Variants in MALRD1 observed in about 807,000 individuals in gnomAD.
The protein encoded by MALRD1 is MAM and LDL-receptor class A domain-containing protein 1.
Under a neutral mutation model 242.1 loss-of-function variants are expected in MALRD1, and 247 were observed. The ratio of observed to expected loss-of-function variants is 1.02; its 90% CI spans 0.92 to 1.13. The LOEUF (loss-of-function observed/expected upper bound fraction) is 1.13. Ranked by LOEUF, MALRD1 falls within the 50% of genes most tolerant of loss-of-function variation. The pLI, the probability that MALRD1 is intolerant of heterozygous loss-of-function variation, is 0.00. For synonymous variants in MALRD1, 995 were observed against 866.6 expected (o/e 1.15, Z -2.60); for missense variants, 2,989 against 2,533.1 (o/e 1.18, Z -3.86).
At position 19,492,926 on chromosome 10, in the gene MALRD1, C is replaced by T. The variant is rs1029082618; in HGVS notation, c.5158+1281C>T. Among the ~76,000 whole-genome samples, 3 of 152,106 alleles carry T rather than the reference C, an allele frequency of 2.0e-5. No individual in the cohort carries two copies. In the East Asian group the frequency reaches 5.8e-4, roughly 29 times the overall value. On this transcript the variant is annotated intron_variant, in intron 30 of 39. Transcript: ENST00000454679. ...ATTTTTTATTTCTTAGGATCTTATA[C>T]TGATGCTTCCAATGGGCTCATTTTC...
chr10:19,284,383 C>T (rs1410236078), intron 21 of MALRD1, among the ~76,000 whole-genome samples: 3 of 146,702 alleles, frequency 2.0e-5, no homozygotes, highest in Non-Finnish European at 4.5e-5. Flanking sequence ...GTATATCTCC[C>T]AATGCTATCC....
chr10:19,407,935 TGGGTG>T (rs1833108488), intron 28 of MALRD1, among the ~76,000 whole-genome samples: 1 of 152,100 alleles, frequency 6.6e-6, no homozygotes, highest in Admixed American at 6.5e-5. Flanking sequence ...ACCCTGAAAA[TGGGTG>T]TTTCCATAAC....
At chr10:19,629,572 T>A (rs1156944883) in intron 36 of MALRD1, among the ~76,000 whole-genome samples, 2 of 152,188 alleles carry the variant, frequency 1.3e-5, no homozygotes, top group Non-Finnish European at 2.9e-5. Flanking sequence ...TTTCCTAGTA[T>A]GTGCACGGCC....
chr10:19,616,002 G>A lies in MALRD1; in HGVS notation c.6137+79G>A, dbSNP rs1227382317. Reference sequence around the variant, plus strand: ...TATTTTTCTATAGGCTGATATAATAGAGCATCAATCAGTTTGTGGTTAGTA... The same window carrying A: ...TATTTTTCTATAGGCTGATATAATAAAGCATCAATCAGTTTGTGGTTAGTA... On this transcript the variant is annotated intron_variant, in intron 36 of 39. Coordinates refer to ENST00000454679, the MANE Select transcript of MALRD1 (RefSeq NM_001142308.3). The A allele has an allele frequency of 3.0e-6, 3 of 993,636 alleles. No homozygotes were observed. In the African/African-American group the frequency reaches 4.9e-5, roughly 16 times the overall value. 61.6% of individuals were successfully genotyped at this position (993,636 alleles called of 1,614,324 possible).
At position 19,099,763 on chromosome 10, in the gene MALRD1, A is replaced by ATATTTT. The variant is rs1554788439; in HGVS notation, c.598-4215_598-4214insATTTTT. Among the ~76,000 whole-genome samples, 835 of 149,324 alleles carry ATATTTT rather than the reference A, an allele frequency of 5.6e-3. 8 individuals are homozygous for ATATTTT. The highest frequency in any genetic ancestry group is 0.028 in the East Asian group (144 of 5,078). On this transcript the variant is annotated intron_variant, in intron 4 of 39. Transcript: ENST00000454679. ...CTCCATAGAACCTATATATATATAT[A>ATATTTT]TTTTTTTTAATTTTTTTTGCCAGAT... is the stretch of plus-strand genomic sequence containing the variant.
intron 33 of MALRD1, among the ~76,000 whole-genome samples, chr10:19,581,748 C>T (rs1217258519): frequency 1.3e-5 from 2 of 150,284 alleles, no homozygotes; most frequent in African/African-American, 2.5e-5. Context: ...AATGGGATGG[C>T]TGGGTCAAAT....
chr10:19,672,529 T>G (rs975528544), intron 36 of MALRD1, among the ~76,000 whole-genome samples: 3 of 150,628 alleles, frequency 2.0e-5, no homozygotes, highest in Non-Finnish European at 3.0e-5. Flanking sequence ...GTTCAAGCAA[T>G]TCTCCTGCCT....
chr10:19,064,322 A>G (rs1016220068), intron 1 of MALRD1, among the ~76,000 whole-genome samples: 1 of 152,206 alleles, frequency 6.6e-6, no homozygotes, highest in Non-Finnish European at 1.5e-5. Flanking sequence ...ATTTTATTAC[A>G]GCGGATAGTT....
chr10:19,537,320 C>A (rs958932514), intron 32 of MALRD1, among the ~76,000 whole-genome samples: 70 of 152,102 alleles, frequency 4.6e-4, no homozygotes, highest in Non-Finnish European at 2.8e-4. Flanking sequence ...TATCTTAGTT[C>A]TTTCAGGTTG....
At chr10:19,405,730 G>C (rs889647638) in intron 28 of MALRD1, among the ~76,000 whole-genome samples, 1 of 152,098 alleles carries the variant, frequency 6.6e-6, no homozygotes, top group African/African-American at 2.4e-5. Flanking sequence ...ACATATCCTA[G>C]TTCCTAGACT....
chr10:19,489,364 C>T, intron 29 of MALRD1: 2 of 544,918 alleles, frequency 3.7e-6, no homozygotes, highest in Non-Finnish European at 7.3e-6. Flanking sequence ...AGAGTCCAGC[C>T]TCTGATGAAG....
At chr10:19,384,994 T>A (rs976280675) in intron 26 of MALRD1, among the ~76,000 whole-genome samples, 1 of 151,868 alleles carries the variant, frequency 6.6e-6, no homozygotes, top group Admixed American at 6.6e-5. Flanking sequence ...TTTTGTCAAA[T>A]GCTTTTTCTG....
intron 19 of MALRD1, among the ~76,000 whole-genome samples, chr10:19,264,513 G>A (rs1214393160): frequency 6.7e-6 from 1 of 150,340 alleles, no homozygotes; most frequent in African/African-American, 2.5e-5. Flanking sequence ...GAGTGCAGTG[G>A]CATGATCCCT....
intron 36 of MALRD1, among the ~76,000 whole-genome samples, chr10:19,676,390 G>A (rs977859825): frequency 7.9e-5 from 12 of 152,188 alleles, no homozygotes; most frequent in African/African-American, 2.2e-4. Context: ...ATATTTAGGC[G>A]AAATTGATGG....
chr10:19,383,050 G>T (rs543348438), intron 26 of MALRD1, among the ~76,000 whole-genome samples: 18 of 152,260 alleles, frequency 1.2e-4, no homozygotes, highest in Non-Finnish European at 2.2e-4. Flanking sequence ...AGAATAGTAT[G>T]AACAACTCTA....
At chr10:19,647,267 C>G (rs1840701217) in intron 36 of MALRD1, among the ~76,000 whole-genome samples, 1 of 152,160 alleles carries the variant, frequency 6.6e-6, no homozygotes, top group African/African-American at 2.4e-5. Context: ...TTTTTCCAAA[C>G]TCATTGAATC....
chr10:19,060,377 A>G (rs1362625670), intron 1 of MALRD1, among the ~76,000 whole-genome samples: 2 of 152,186 alleles, frequency 1.3e-5, no homozygotes, highest in Non-Finnish European at 2.9e-5. Flanking sequence ...AAGTTGCTTA[A>G]CCATCGACAC....
intron 30 of MALRD1, among the ~76,000 whole-genome samples, chr10:19,492,240 A>T (rs959344658): frequency 6.6e-6 from 1 of 152,072 alleles, no homozygotes; most frequent in African/African-American, 2.4e-5. Flanking sequence ...TCTTTTTTCC[A>T]TATATTGTAC....
Position 19,348,073 on chromosome 10 carries a change from G to A in MALRD1, c.4149+55G>A, listed in dbSNP as rs1345800593. 2.7e-6 allele frequency: 4 copies of A among 1,505,742 alleles called. No individual in the cohort carries two copies. The African/African-American group carries it at 5.6e-5, about 21-fold the overall frequency. 93.3% of individuals were successfully genotyped at this position (1,505,742 alleles called of 1,614,324 possible). Reference sequence around the variant, plus strand: ...ACAAACACAGAATTATTGTGAGCAAGTTTATAAATTGACATACGGAAAACA... The same window carrying A: ...ACAAACACAGAATTATTGTGAGCAAATTTATAAATTGACATACGGAAAACA... On this transcript the variant is annotated intron_variant, in intron 25 of 39. Coordinates refer to ENST00000454679, the MANE Select transcript of MALRD1 (RefSeq NM_001142308.3).
Sources: allele counts gnomAD v4.1 joint callset (sites outside exome capture counted in the v4.1 genomes callset), GRCh38; gene constraint gnomAD v4.1.1; transcripts MANE v1.5; gene names NCBI Gene and HGNC (gene_info 2026-07-23, HGNC 2026-07-21).